Variants in EFCAB8 observed in about 807,000 individuals in gnomAD.
EFCAB8 encodes the protein EF-hand calcium binding domain 8, also known as EF-hand calcium-binding domain-containing protein 8.
A neutral mutation model predicts 116.3 loss-of-function variants in EFCAB8; 100 were observed. The observed-to-expected ratio is 0.86, with a 90% CI of 0.73 to 1.02. The LOEUF is 1.02. EFCAB8 is among the 50% of genes least tolerant of loss of function. The pLI is 0.00. For missense variants in EFCAB8, 1,320 were observed against 1,416.9 expected (o/e 0.93, Z 1.10); for synonymous variants, 558 against 567.9 (o/e 0.98, Z 0.25).
At chr20:32,913,052 G>C (rs1426810866) in intron 17 of EFCAB8, among the ~76,000 whole-genome samples, 188 bp downstream of exon 17, 1 of 152,062 alleles carries the variant, frequency 6.6e-6, no homozygotes, top group African/African-American at 2.4e-5. Context: ...ATATATTCTT[G>C]GCCTTTTGCT....
intron 5 of EFCAB8, among the ~76,000 whole-genome samples, chr20:32,885,233 C>T (rs1445289581): frequency 5.3e-5 from 8 of 152,232 alleles, no homozygotes; most frequent in Non-Finnish European, 1.0e-4. Context: ...CTGGCTACTT[C>T]GCAGGATAAG....
chr20:32,929,557 G>A (rs1202260118), intron 20 of EFCAB8, among the ~76,000 whole-genome samples: 2 of 129,526 alleles, frequency 1.5e-5, no homozygotes, highest in Non-Finnish European at 3.1e-5. Context: ...TGCACAGGCT[G>A]TCTCGATCTC....
chr20:32,867,497 A>C lies in EFCAB8; in HGVS notation c.43-85A>C, dbSNP rs1638728569. The C allele has an allele frequency of 9.3e-6, 13 of 1,403,478 alleles. 1 individual carries two copies. The South Asian group carries it at 1.6e-4, about 17-fold the overall frequency. The allele number at this position is 1,403,478 out of a possible 1,614,324, so 86.9% of individuals were successfully genotyped here. On this transcript the variant is annotated intron_variant, in intron 2 of 26. Coordinates refer to ENST00000400522, the MANE Select transcript of EFCAB8 (RefSeq NM_001143967.2). The stretch of plus-strand genomic sequence containing the variant: ...CTACTTACCTTGTTCTTTCTCAAAG[A>C]GTCTCTCTTTAAATCATGTGCTGAA...
At chr20:32,945,625 G>C (rs192725084) in intron 23 of EFCAB8, among the ~76,000 whole-genome samples, 35 of 152,110 alleles carry the variant, frequency 2.3e-4, no homozygotes, top group African/African-American at 8.0e-4. Flanking sequence ...GATTTATTTT[G>C]TTCCTTTGGG....
intron 19 of EFCAB8, among the ~76,000 whole-genome samples, chr20:32,919,698 C>G (rs1489128413): frequency 6.6e-6 from 1 of 152,038 alleles, no homozygotes; most frequent in Non-Finnish European, 1.5e-5. Context: ...GGGGTTTCAC[C>G]ATGTTGGCCA....
At chr20:32,958,637 G>C (rs573534658) in intron 24 of EFCAB8, 87 bp downstream of exon 24, 2 of 406,228 alleles carry the variant, frequency 4.9e-6, no homozygotes, top group South Asian at 2.8e-4. Flanking sequence ...CCTCTACCTG[G>C]GTTGGGTAGA....
At position 32,917,453 on chromosome 20, in the gene EFCAB8, C is replaced by G; in HGVS notation, c.2009C>G (p.Pro670Arg). 6.4e-7 allele frequency: 1 copy of G among 1,552,146 alleles called. No homozygotes were observed. Among genetic ancestry groups the G allele is most frequent in the African/African-American group, 1.4e-5 (1 of 73,162 alleles). The change falls in exon 18 of 27, where the codon CCC becomes CGC. Residue 670 changes from proline (P) to arginine (R), a missense_variant. Physicochemically the swap from Pro to Arg is moderately radical, Grantham distance 103 (BLOSUM62 -2). Transcript: ENST00000400522. Reference protein sequence around the residue: ...ILFWNTGTLKPIFNFNASRSP... With the variant: ...ILFWNTGTLKRIFNFNASRSP... The stretch of plus-strand genomic sequence containing the variant: ...TTCTGGAACACCGGCACACTCAAGC[C>G]CATCTTCAACTTCAATGCCTCTAGG...
rs73904087 is a variant in EFCAB8 at position 32,943,479 on chromosome 20, G to A, written c.2791-157G>A. Reference sequence around the variant, plus strand: ...GAAGTGCCGGGACCTATGTAAGGTCGCAAGCAAGTTCATGTGGAATGCATC... The same window carrying A: ...GAAGTGCCGGGACCTATGTAAGGTCACAAGCAAGTTCATGTGGAATGCATC... On this transcript the variant is annotated intron_variant, in intron 22 of 26. Coordinates refer to ENST00000400522, the MANE Select transcript of EFCAB8 (RefSeq NM_001143967.2). 4.6e-3 allele frequency among the ~76,000 whole-genome samples: 697 copies of A among 152,348 alleles called. 5 individuals are homozygous for A. Among genetic ancestry groups the A allele is most frequent in the African/African-American group, 0.016 (667 of 41,586 alleles).
rs1555855411 is a variant in EFCAB8 at position 32,889,340 on chromosome 20, G to A, written c.607G>A (p.Val203Ile). Residue 203 changes from valine to isoleucine, a missense_variant, in exon 7 of 27, where the codon GTC becomes ATC. Val to Ile is a conservative substitution (Grantham distance 29). Transcript: ENST00000400522. ...GCAGCTCTACAACCAGCCGATGTGG[G>A]TCATTGACATGGTATGTCTGCACAA... ...TQQLYNQPMWVIDMVCLHNMN... is the reference protein window; with the variant it reads ...TQQLYNQPMWIIDMVCLHNMN... 6.4e-7 allele frequency: 1 copy of A among 1,551,812 alleles called. No individual in the cohort carries two copies. The highest frequency in any genetic ancestry group is 8.7e-7 in the Non-Finnish European group (1 of 1,147,016).
At chr20:32,888,950 G>GT (rs1216030348) in intron 6 of EFCAB8, among the ~76,000 whole-genome samples, 5 of 147,878 alleles carry the variant, frequency 3.4e-5, no homozygotes, top group South Asian at 4.3e-4. Context: ...AGTTTGGTTG[G>GT]TTTTTTTTGT....
intron 11 of EFCAB8, among the ~76,000 whole-genome samples, chr20:32,900,863 C>T (rs550190867): frequency 4.6e-5 from 7 of 152,178 alleles, no homozygotes; most frequent in South Asian, 4.2e-4. Context: ...CCACCATGCC[C>T]GGCTTAATTT....
intron 1 of EFCAB8, among the ~76,000 whole-genome samples, chr20:32,859,515 C>A (rs904217653): frequency 6.6e-6 from 1 of 152,120 alleles, no homozygotes; most frequent in Non-Finnish European, 1.5e-5. Flanking sequence ...TGGCGTTTTA[C>A]CTCTGTTCAT....
chr20:32,911,749 G>A (rs1411764639), intron 16 of EFCAB8, 42 bp downstream of exon 16: 1 of 1,536,910 alleles, frequency 6.5e-7, no homozygotes, highest in African/African-American at 1.4e-5. Flanking sequence ...CGGCCTCTTG[G>A]GAAGCAAAGC....
intron 6 of EFCAB8, among the ~76,000 whole-genome samples, chr20:32,888,214 C>G (rs1191631287): frequency 6.6e-6 from 1 of 151,992 alleles, no homozygotes; most frequent in Non-Finnish European, 1.5e-5. Flanking sequence ...CAGGCATGCA[C>G]CACCGTGTCC....
rs1442798478 is a variant in EFCAB8, at chr20:32,959,929, C to G, written c.3241C>G (p.Pro1081Ala). The G allele has an allele frequency of 3.9e-6, 6 of 1,551,538 alleles. No individual in the cohort carries two copies. Among genetic ancestry groups the G allele is most frequent in the African/African-American group, 2.7e-5 (2 of 73,018 alleles). Residue 1081 changes from proline to alanine, a missense_variant, in exon 25 of 27, where the codon CCC (proline) becomes GCC (alanine). Physicochemically the swap from Pro to Ala is conservative, Grantham distance 27. Coordinates refer to ENST00000400522, the MANE Select transcript of EFCAB8 (RefSeq NM_001143967.2). ...ALMSPWAGER[P>A]LEDIEDSWNK... The stretch of plus-strand genomic sequence containing the variant: ...GATGTCCCCGTGGGCCGGAGAGCGC[C>G]CCCTGGAAGACATTGAGGACAGCTG...
At chr20:32,901,256 A>C (rs1343684461) in intron 11 of EFCAB8, among the ~76,000 whole-genome samples, 1 of 152,242 alleles carries the variant, frequency 6.6e-6, no homozygotes, top group African/African-American at 2.4e-5. Flanking sequence ...TCCCTGGGCC[A>C]CATAGGAAGA....
intron 19 of EFCAB8, 26 bp from the exon 20 acceptor site, chr20:32,920,052 A>AT (rs1334290893): frequency 9.7e-6 from 15 of 1,551,516 alleles, no homozygotes; most frequent in Non-Finnish European, 1.3e-5. Context: ...CCTCATGGTG[A>AT]CTTGGGTGCC....
chr20:32,897,505 C>T (rs1203598094), intron 10 of EFCAB8, among the ~76,000 whole-genome samples: 6 of 149,746 alleles, frequency 4.0e-5, no homozygotes, highest in African/African-American at 9.9e-5. Flanking sequence ...TGCAGTGGTG[C>T]GATCATGGCT....
At chr20:32,905,621 G>C (rs568964536) in intron 11 of EFCAB8, among the ~76,000 whole-genome samples, 8 of 152,040 alleles carry the variant, frequency 5.3e-5, no homozygotes, top group Non-Finnish European at 8.8e-5. Flanking sequence ...TTAGCCAGGC[G>C]TGGTGGTGTG....
Sources: gnomAD v4.1 joint callset for allele counts (sites outside exome capture counted in the v4.1 genomes callset) on GRCh38, gnomAD v4.1.1 for gene constraint, MANE v1.5 for transcripts, NCBI Gene and HGNC (gene_info 2026-07-23, HGNC 2026-07-21) for gene names.